GPC3: variants seen among roughly 807,000 people sequenced by gnomAD.
GPC3 encodes glypican 3.
A neutral mutation model predicts 34.4 loss-of-function variants in GPC3; 3 were observed. The ratio of observed to expected loss-of-function variants is 0.09; its 90% CI spans 0.04 to 0.23. GPC3 has a LOEUF of 0.23. Among genes scored for constraint, GPC3 ranks in the 10% least tolerant of loss-of-function variants. The pLI, the probability that GPC3 is intolerant of heterozygous loss-of-function variation, is 1.00. For synonymous variants in GPC3, 177 were observed against 174.0 expected, an observed-to-expected ratio of 1.02 and a Z score of -0.13; for missense variants, 351 against 445.6, an observed-to-expected ratio of 0.79 and a Z score of 1.91.
chrX:133,899,522 C>T (rs919185672), intron 2 of GPC3, among the ~76,000 whole-genome samples: 1 of 111,653 alleles, frequency 9.0e-6, no homozygotes, highest in Admixed American at 9.5e-5. Context: ...CCTCAAACTG[C>T]GTATCATCAG....
rs756322116 is a variant in GPC3, at chrX:133,854,838, C to T, written c.337+98212G>A. On this transcript the variant is annotated intron_variant, in intron 2 of 7. Coordinates refer to ENST00000370818, the MANE Select transcript of GPC3 (RefSeq NM_004484.4). ...TGAAAATAAGAAATAAACTATGGTG[C>T]GTCCATAAGAAATTATGGTATATCC... Among the ~76,000 whole-genome samples, 7 of 111,764 alleles carry T rather than the reference C, an allele frequency of 6.3e-5. No individual in the cohort carries two copies. In the South Asian group the frequency reaches 2.6e-3, roughly 42 times the overall value.
At chrX:133,765,043 G>C (rs2071832581) in intron 2 of GPC3, among the ~76,000 whole-genome samples, 1 of 111,881 alleles carries the variant, frequency 8.9e-6, no homozygotes, top group Non-Finnish European at 1.9e-5. Flanking sequence ...AAGAAGTAAA[G>C]TTCTACTACA....
intron 7 of GPC3, among the ~76,000 whole-genome samples, chrX:133,557,069 G>A (rs1057266824): frequency 6.3e-5 from 7 of 110,301 alleles, no homozygotes; most frequent in African/African-American, 1.6e-4. Context: ...CGAGGCAGGC[G>A]GATCATGAGG....
intron 7 of GPC3, among the ~76,000 whole-genome samples, chrX:133,544,036 G>C: frequency 1.8e-5 from 2 of 111,772 alleles, no homozygotes; most frequent in Middle Eastern, 4.6e-3. Context: ...TTTGAAACCA[G>C]CCTTGGCAAC....
At chrX:133,660,014 C>A (rs1454386914) in intron 6 of GPC3, among the ~76,000 whole-genome samples, 1 of 111,149 alleles carries the variant, frequency 9.0e-6, no homozygotes, top group Admixed American at 9.5e-5. Flanking sequence ...TACTTTCACA[C>A]ACAAAAATGG....
intron 2 of GPC3, among the ~76,000 whole-genome samples, chrX:133,827,351 C>T (rs1203051585): frequency 8.9e-6 from 1 of 112,021 alleles, no homozygotes; most frequent in African/African-American, 3.2e-5. Flanking sequence ...CGTGTAACCC[C>T]TTTTTTCTTT....
chrX:133,607,523 C>G (rs2070064259), intron 6 of GPC3, among the ~76,000 whole-genome samples: 1 of 111,937 alleles, frequency 8.9e-6, no homozygotes, highest in African/African-American at 3.2e-5. Context: ...CTGCCTTGAC[C>G]TTACAAAGTT....
Position 133,661,773 on chromosome X carries a change from G to A in GPC3, c.1370C>T (p.Pro457Leu). ...LHELKMKGPE[P>L]VVSQIIDKLK... ...TTTGTCAATAATTTGACTGACCACT[G>A]GCTCAGGGCCCTTCATTTTCAGCTC... The change falls in exon 6 of 8, where the codon CCA (proline) becomes CTA (leucine). Residue 457 changes from proline to leucine, a missense_variant. Transcript: ENST00000370818. 1.7e-6 allele frequency: 2 copies of A among 1,198,527 alleles called. No individual in the cohort carries two copies. Among genetic ancestry groups the A allele is most frequent in the Non-Finnish European group, 1.1e-6 (1 of 885,728 alleles).
chrX:133,889,818 C>T (rs1472305040), intron 2 of GPC3, among the ~76,000 whole-genome samples: 64 of 99,423 alleles, frequency 6.4e-4, no homozygotes, highest in Admixed American at 1.7e-3. Flanking sequence ...CTATTACCTA[C>T]GATTCTAGCC....
At chrX:133,608,430 G>A (rs757499976) in intron 6 of GPC3, among the ~76,000 whole-genome samples, 1 of 112,364 alleles carries the variant, frequency 8.9e-6, no homozygotes, top group East Asian at 2.8e-4. Flanking sequence ...AGAGGGCAAG[G>A]GTCCTGGGGT....
intron 2 of GPC3, among the ~76,000 whole-genome samples, chrX:133,892,128 C>G (rs1288747254): frequency 9.0e-6 from 1 of 111,474 alleles, no homozygotes; most frequent in Non-Finnish European, 1.9e-5. Context: ...TTCTTAAGAG[C>G]TGCATCAGAT....
At chrX:133,795,027 C>T (rs1025137325) in intron 2 of GPC3, among the ~76,000 whole-genome samples, 1 of 111,952 alleles carries the variant, frequency 8.9e-6, no homozygotes, top group East Asian at 2.8e-4. Context: ...TAGAGCCTGA[C>T]ACAGAAGGGG....
intron 2 of GPC3, chrX:133,763,389 G>A: frequency 1.8e-6 from 1 of 541,063 alleles, no homozygotes; most frequent in South Asian, 2.3e-5. Flanking sequence ...GGGAGGTCAT[G>A]CCTGATCTCT....
At chrX:133,861,192 T>C (rs188070716) in intron 2 of GPC3, among the ~76,000 whole-genome samples, 4 of 111,731 alleles carry the variant, frequency 3.6e-5, no homozygotes, top group Non-Finnish European at 7.5e-5. Context: ...ATTTTACTTA[T>C]AGATAATCAC....
chrX:133,551,829 A>G (rs2069436211), intron 7 of GPC3, among the ~76,000 whole-genome samples: 1 of 110,881 alleles, frequency 9.0e-6, no homozygotes, highest in African/African-American at 3.3e-5. Flanking sequence ...TATTTATCTG[A>G]TAATGCCTGC....
intron 6 of GPC3, among the ~76,000 whole-genome samples, chrX:133,654,899 A>C (rs1268659770): frequency 2.7e-5 from 3 of 111,518 alleles, no homozygotes; most frequent in African/African-American, 9.8e-5. Context: ...TCCATTGCTA[A>C]CATGTCCAGT....
At chrX:133,940,828 T>C (rs1373925693) in intron 2 of GPC3, among the ~76,000 whole-genome samples, 1 of 112,571 alleles carries the variant, frequency 8.9e-6, no homozygotes, top group Non-Finnish European at 1.9e-5. Flanking sequence ...TTTCCACTAA[T>C]GATTACTTTG....
intron 6 of GPC3, among the ~76,000 whole-genome samples, chrX:133,642,730 C>T (rs1342609537): frequency 7.0e-5 from 7 of 100,310 alleles, no homozygotes; most frequent in African/African-American, 1.8e-4. Context: ...TGAGATCGCA[C>T]CATTGCACTC....
At chrX:133,879,805 CAA>C (rs35447286) in intron 2 of GPC3, among the ~76,000 whole-genome samples, 32 of 90,357 alleles carry the variant, frequency 3.5e-4, no homozygotes, top group African/African-American at 4.0e-4. Flanking sequence ...GACTCCATCT[CAA>C]AAAAAAAAAA....
Sources: allele counts gnomAD v4.1 joint callset (sites outside exome capture counted in the v4.1 genomes callset), GRCh38; gene constraint gnomAD v4.1.1; transcripts MANE v1.5; gene names NCBI Gene and HGNC (gene_info 2026-07-23, HGNC 2026-07-21).